Variants in KTN1 observed in about 807,000 individuals in gnomAD.
KTN1 encodes kinectin.
Under a neutral mutation model 222.5 loss-of-function variants are expected in KTN1, and 130 were observed. That is an observed-to-expected ratio of 0.58 (90% CI 0.51 to 0.68). KTN1 has a LOEUF of 0.68. Ranked by LOEUF, KTN1 falls within the 30% of genes least tolerant of loss-of-function variation. The pLI is 0.00. For synonymous variants in KTN1, 512 were observed against 496.3 expected (o/e 1.03, Z -0.42); for missense variants, 1,508 against 1,500.4 (o/e 1.01, Z -0.08).
At chr14:55,629,766 C>T (rs552014647) in intron 6 of KTN1, among the ~76,000 whole-genome samples, 191 bp from the exon 7 acceptor site, 2 of 152,224 alleles carry the variant, frequency 1.3e-5, no homozygotes, top group South Asian at 2.1e-4. Flanking sequence ...AGGGAATTGG[C>T]GTGAAGAGCA....
At chr14:55,619,434 G>C in intron 5 of KTN1, 122 bp downstream of exon 5, 1 of 877,730 alleles carries the variant, frequency 1.1e-6, no homozygotes, top group Non-Finnish European at 1.8e-6. Flanking sequence ...CATACATCTG[G>C]AATGCCTTCA....
chr14:55,599,765 AG>A (rs1415002508), intron 1 of KTN1, among the ~76,000 whole-genome samples: 3 of 152,232 alleles, frequency 2.0e-5, no homozygotes, highest in African/African-American at 7.2e-5. Context: ...AGGGGGCAGT[AG>A]GGGGAATTGG....
At chr14:55,611,261 G>C (rs1216838343) in intron 1 of KTN1, among the ~76,000 whole-genome samples, 1 of 124,672 alleles carries the variant, frequency 8.0e-6, no homozygotes, top group Admixed American at 7.7e-5. Flanking sequence ...TAATTTTCTT[G>C]TCTTTTTTTT....
intron 34 of KTN1, among the ~76,000 whole-genome samples, chr14:55,669,710 A>G (rs2045275319): frequency 6.6e-6 from 1 of 151,990 alleles, no homozygotes; most frequent in Non-Finnish European, 1.5e-5. Flanking sequence ...GGATTCTGAT[A>G]GTGTACATTT....
intron 1 of KTN1, among the ~76,000 whole-genome samples, chr14:55,601,268 A>G (rs1378269541): frequency 1.3e-5 from 2 of 152,228 alleles, no homozygotes; most frequent in Non-Finnish European, 2.9e-5. Flanking sequence ...GAGTCATAGA[A>G]ATAACTGTGT....
At chr14:55,657,629 G>T (rs1373401373) in intron 29 of KTN1, among the ~76,000 whole-genome samples, 1 of 151,774 alleles carries the variant, frequency 6.6e-6, no homozygotes, top group East Asian at 1.9e-4. Flanking sequence ...AAATGTATTC[G>T]GCTGGGTGTG....
At chr14:55,657,532 G>A (rs566255014) in intron 29 of KTN1, among the ~76,000 whole-genome samples, 41 of 151,278 alleles carry the variant, frequency 2.7e-4, no homozygotes, top group Non-Finnish European at 5.6e-4. Context: ...CCCCTTTTTG[G>A]GAAATTTGAA....
At chr14:55,645,451 A>G (rs1056815575) in intron 18 of KTN1, among the ~76,000 whole-genome samples, 3 of 152,226 alleles carry the variant, frequency 2.0e-5, no homozygotes, top group African/African-American at 4.8e-5. Context: ...CATTTTAGAA[A>G]GAATACTCTG....
intron 5 of KTN1, among the ~76,000 whole-genome samples, chr14:55,624,737 C>T (rs1051098223): frequency 3.3e-5 from 5 of 151,876 alleles, no homozygotes; most frequent in African/African-American, 9.7e-5. Context: ...TGAAGAGGAG[C>T]GAAGTGGTGG....
intron 1 of KTN1, among the ~76,000 whole-genome samples, chr14:55,584,056 G>A (rs2032376817): frequency 6.6e-6 from 1 of 152,064 alleles, no homozygotes; most frequent in Non-Finnish European, 1.5e-5. Flanking sequence ...CCCTGCCTCT[G>A]CCCTAACTCC....
Position 55,637,289 on chromosome 14 carries a change from G to T in KTN1, c.1641G>T (p.Glu547Asp). 14 of 1,611,626 alleles carry T rather than the reference G, an allele frequency of 8.7e-6. No individual in the cohort carries two copies. Among genetic ancestry groups the T allele is most frequent in the Non-Finnish European group, 1.2e-5 (14 of 1,178,360 alleles). ...TDTLVSKQQL[E>D]QRLMQLMESE... ...CCTTGGTATCAAAACAACAGTTGGA[G>T]CAAAGACTAATGCAGTTAATGGAAT... is the stretch of plus-strand genomic sequence containing the variant. Residue 547 changes from glutamate to aspartate, a missense_variant, in exon 11 of 44, where the codon GAG becomes GAT. Glu to Asp is a conservative substitution (Grantham distance 45). Coordinates refer to ENST00000395314, the MANE Select transcript of KTN1 (RefSeq NM_001079521.2).
Position 55,650,355 on chromosome 14 carries a change from G to A in KTN1, c.2433G>A (p.Lys811=), listed in dbSNP as rs1431098581. ...KVIHEKDGKI[K]SVEELLEAEL... is the part of the protein sequence containing the mutation. ...TCCATGAGAAAGATGGAAAGATCAA[G>A]TCTGTAGAAGAGCTTCTGGAGGCAG... is the stretch of plus-strand genomic sequence containing the variant. The change falls in exon 23 of 44, where the codon AAG becomes AAA. Residue 811 remains lysine, a synonymous_variant. Transcript: ENST00000395314. 1.9e-6 allele frequency: 3 copies of A among 1,608,826 alleles called. No homozygotes were observed. The highest frequency in any genetic ancestry group is 1.3e-5 in the African/African-American group (1 of 74,546).
intron 7 of KTN1, among the ~76,000 whole-genome samples, chr14:55,631,029 G>A (rs1384403243): frequency 6.6e-6 from 1 of 151,998 alleles, no homozygotes; most frequent in Non-Finnish European, 1.5e-5. Flanking sequence ...CTGTCAGAAG[G>A]CTCAGTTTTT....
At chr14:55,662,069 CT>C (rs71131302) in intron 32 of KTN1, among the ~76,000 whole-genome samples, 31,338 of 129,554 alleles carry the variant, frequency 0.24, 3,648 homozygotes, top group East Asian at 0.31. Context: ...TCCTCCTGCC[CT>C]TTTTTTTTTT....
chr14:55,668,083 C>G (rs1161601176), intron 34 of KTN1: 1 of 152,006 alleles, frequency 6.6e-6, no homozygotes, highest in Non-Finnish European at 1.5e-5. Context: ...ACTCAAACAT[C>G]AGAGCATTTC....
At chr14:55,680,680 C>T (rs2046290868) in intron 43 of KTN1, 1 of 1,364,888 alleles carries the variant, frequency 7.3e-7, no homozygotes, top group Non-Finnish European at 9.8e-7. Flanking sequence ...TTTTGTCTCA[C>T]TTTAGAGTGA....
chr14:55,663,876 G>A (rs2044411650), intron 32 of KTN1, 79 bp from the exon 33 acceptor site: 6 of 960,326 alleles, frequency 6.2e-6, no homozygotes, highest in South Asian at 2.9e-5. Flanking sequence ...TAAATGCAGT[G>A]CAAAATACTG....
intron 18 of KTN1, among the ~76,000 whole-genome samples, chr14:55,644,955 G>A (rs2042155596): frequency 6.6e-6 from 1 of 152,122 alleles, no homozygotes; most frequent in South Asian, 2.1e-4. Context: ...TACTAGTTGA[G>A]TATATGCTAG....
intron 40 of KTN1, 165 bp downstream of exon 40, chr14:55,673,420 C>G (rs564051121): frequency 6.8e-6 from 3 of 443,184 alleles, no homozygotes; most frequent in East Asian, 3.4e-5. Context: ...GATTATCTTT[C>G]TTTTCTTGAC....
Sources: allele counts gnomAD v4.1 joint callset (sites outside exome capture counted in the v4.1 genomes callset), GRCh38; gene constraint gnomAD v4.1.1; transcripts MANE v1.5; gene names NCBI Gene and HGNC (gene_info 2026-07-23, HGNC 2026-07-21).